The following TRAPPC6B variants were observed in gnomAD, a reference collection of about 807,000 sequenced individuals.
TRAPPC6B encodes the protein trafficking protein particle complex subunit 6B.
TRAPPC6B carries 27 observed loss-of-function variants against 24.7 expected under a neutral mutation model. The observed-to-expected ratio is 1.09, with a 90% CI of 0.81 to 1.51. The LOEUF is 1.51. Among genes scored for constraint, TRAPPC6B ranks in the 40% most tolerant of loss-of-function variants. The probability of loss-of-function intolerance (pLI) is 0.00; values close to 1 mark genes in which losing one functional copy is unlikely to be tolerated. For missense variants in TRAPPC6B, 212 were observed against 190.8 expected (o/e 1.11, Z -0.66); for synonymous variants, 80 against 66.6 (o/e 1.20, Z -0.98).
At chr14:39,166,117 TTAAA>T (rs1213824920) in intron 1 of TRAPPC6B, among the ~76,000 whole-genome samples, 1 of 151,930 alleles carries the variant, frequency 6.6e-6, no homozygotes, top group Non-Finnish European at 1.5e-5. Context: ...TTTTTTTTAT[TTAAA>T]TAGAGACACT....
intron 3 of TRAPPC6B, among the ~76,000 whole-genome samples, chr14:39,155,530 C>T (rs1046998579): frequency 2.0e-5 from 3 of 150,744 alleles, no homozygotes; most frequent in Non-Finnish European, 2.9e-5. Context: ...CGTGAGCCAC[C>T]GCACCCGGAT....
intron 1 of TRAPPC6B, among the ~76,000 whole-genome samples, chr14:39,160,930 T>A (rs996483638): frequency 1.3e-5 from 2 of 152,194 alleles, no homozygotes; most frequent in African/African-American, 4.8e-5. Flanking sequence ...TTATGCAAGG[T>A]GTAATACACA....
intron 2 of TRAPPC6B, 123 bp from the exon 3 acceptor site, chr14:39,158,525 A>T: frequency 1.6e-5 from 9 of 548,290 alleles, no homozygotes; most frequent in Non-Finnish European, 2.5e-5. Context: ...TTTAATTTTA[A>T]TTTTTTTTTT....
intron 1 of TRAPPC6B, among the ~76,000 whole-genome samples, chr14:39,168,164 T>G (rs774379644): frequency 6.8e-6 from 1 of 146,426 alleles, no homozygotes; most frequent in Non-Finnish European, 1.5e-5. Flanking sequence ...TGCAGTGAGC[T>G]GAGATCACAC....
chr14:39,157,854 T>C (rs2053003059), intron 3 of TRAPPC6B: 1 of 191,126 alleles, frequency 5.2e-6, no homozygotes, highest in African/African-American at 2.3e-5. Context: ...CCAAACTGGG[T>C]TAAACATACA....
At chr14:39,169,273 T>A (rs1280396231) in intron 1 of TRAPPC6B, among the ~76,000 whole-genome samples, 32 of 152,340 alleles carry the variant, frequency 2.1e-4, no homozygotes, top group Non-Finnish European at 2.2e-4. Flanking sequence ...AGTATTATTT[T>A]ATTTAATTTA....
At chr14:39,154,395 A>G in intron 3 of TRAPPC6B, 101 bp from the exon 4 acceptor site, 1 of 764,392 alleles carries the variant, frequency 1.3e-6, no homozygotes, top group South Asian at 1.8e-5. Context: ...TAAAGTTATT[A>G]AAAGTCTCCT....
At chr14:39,158,450 G>GC (rs1566548341) in intron 2 of TRAPPC6B, 48 bp from the exon 3 acceptor site, 1 of 1,070,314 alleles carries the variant, frequency 9.3e-7, no homozygotes, top group Non-Finnish European at 1.4e-6. Context: ...TCCAAAAAAA[G>GC]CAAGAGGGAC....
In TRAPPC6B at chr14:39,159,517, T is replaced by G. The variant is rs371091404; in HGVS notation, c.115A>C (p.Met39Leu). Residue 39 changes from methionine to leucine, a missense_variant, in exon 2 of 6, where the codon ATG (methionine) becomes CTG (leucine). By Grantham distance (15) the Met-to-Leu change is conservative (BLOSUM62 2). Transcript: ENST00000330149. ...AATCCTTGTCCCACTCGAAACCCCA[T>G]GTTTTCCAGCTTAGTAATACATCGT... is the stretch of plus-strand genomic sequence containing the variant. Reference protein sequence around the residue: ...NGRCITKLENMGFRVGQGLIE... With the variant: ...NGRCITKLENLGFRVGQGLIE... 1.2e-6 allele frequency: 2 copies of G among 1,605,712 alleles called. No individual in the cohort carries two copies. Among genetic ancestry groups the G allele is most frequent in the African/African-American group, 2.7e-5 (2 of 74,684 alleles).
Position 39,170,045 on chromosome 14 carries a change from T to G in TRAPPC6B, c.51A>C (p.Gly17=), listed in dbSNP as rs2053152160. The G allele has an allele frequency of 6.2e-7, 1 of 1,614,004 alleles. No homozygotes were observed. Among genetic ancestry groups the G allele is most frequent in the African/African-American group, 1.3e-5 (1 of 74,918 alleles). ...FLLLHNEMVS[G]VYKSAEQGEV... is the part of the protein sequence containing the mutation. ...CCCCCTGCTCCGCGGACTTGTACAC[T>G]CCAGACACCATCTCGTTATGGAGAA... Residue 17 remains glycine, a synonymous_variant, in exon 1 of 6, where the codon GGA becomes GGC. Coordinates refer to ENST00000330149, the MANE Select transcript of TRAPPC6B (RefSeq NM_001079537.2).
intron 1 of TRAPPC6B, among the ~76,000 whole-genome samples, chr14:39,159,962 A>AT (rs1566549154): frequency 6.6e-6 from 1 of 152,128 alleles, no homozygotes; most frequent in Non-Finnish European, 1.5e-5. Flanking sequence ...AGCTGGAATT[A>AT]TAAGCACCCA....
At chr14:39,152,473 T>C (rs1447232944) in intron 4 of TRAPPC6B, among the ~76,000 whole-genome samples, 1 of 152,190 alleles carries the variant, frequency 6.6e-6, no homozygotes, top group Non-Finnish European at 1.5e-5. Flanking sequence ...AGAACTGGAT[T>C]GAAAAATTAG....
At chr14:39,165,016 T>G (rs1364400377) in intron 1 of TRAPPC6B, among the ~76,000 whole-genome samples, 1 of 152,070 alleles carries the variant, frequency 6.6e-6, no homozygotes, top group East Asian at 1.9e-4. Flanking sequence ...TCTCCCTGCC[T>G]TTTTATGTGC....
chr14:39,159,376 T>C, intron 2 of TRAPPC6B, 107 bp downstream of exon 2: 1 of 692,512 alleles, frequency 1.4e-6, no homozygotes, highest in Non-Finnish European at 2.3e-6. Flanking sequence ...GAGAATAACA[T>C]TCAGGAATTA....
rs1594530722 is a variant in TRAPPC6B at position 39,148,711 on chromosome 14, A to T, written c.*1639T>A. 3 of 398,464 alleles carry T rather than the reference A, an allele frequency of 7.5e-6. No homozygotes were observed. In the East Asian group the frequency reaches 1.1e-4, roughly 14 times the overall value. The allele number at this position is 398,464 out of a possible 1,614,324, so 24.7% of individuals were successfully genotyped here. A position where few individuals can be genotyped will look rare whatever the true frequency, so the allele number is the denominator to read the frequency against. On this transcript the variant is annotated 3_prime_UTR_variant, in exon 6 of 6. Transcript: ENST00000330149. ...TAGGAACTTTCCTAAATTTTTTCAA[A>T]ATTAAAATTTTTTCCCCAAAACATG...
chr14:39,154,245 G>A lies in TRAPPC6B; in HGVS notation c.317C>T (p.Ser106Phe). The change falls in exon 4 of 6, where the codon TCT becomes TTT. Residue 106 changes from serine to phenylalanine, a missense_variant. Transcript: ENST00000330149. Reference sequence around the variant, plus strand: ...ATGTTCTAAATACTGTTTTCCTGCAGACATCTGAGTAAGCAGGCGAAATTT... The same window carrying A: ...ATGTTCTAAATACTGTTTTCCTGCAAACATCTGAGTAAGCAGGCGAAATTT... The part of the protein sequence containing the change: ...DNKFRLLTQM[S>F]AGKQYLEHAS... 6.2e-7 allele frequency: 1 copy of A among 1,613,070 alleles called. No homozygotes were observed. Among genetic ancestry groups the A allele is most frequent in the Non-Finnish European group, 8.5e-7 (1 of 1,179,450 alleles).
At chr14:39,164,921 G>C (rs1223650018) in intron 1 of TRAPPC6B, among the ~76,000 whole-genome samples, 1 of 152,166 alleles carries the variant, frequency 6.6e-6, no homozygotes, top group Non-Finnish European at 1.5e-5. Context: ...AAGACTCCTG[G>C]CTAGTTAACC....
chr14:39,152,719 T>G (rs2052929575), intron 4 of TRAPPC6B, among the ~76,000 whole-genome samples: 1 of 152,110 alleles, frequency 6.6e-6, no homozygotes, highest in Non-Finnish European at 1.5e-5. Context: ...CATGTATATG[T>G]GCGTATTTAT....
chr14:39,157,152 T>C (rs1594537756), intron 3 of TRAPPC6B: 1 of 238,288 alleles, frequency 4.2e-6, no homozygotes, highest in Non-Finnish European at 8.3e-6. Flanking sequence ...GTGAATCCCC[T>C]GTTTGAGAAA....
Sources: allele counts gnomAD v4.1 joint callset (sites outside exome capture counted in the v4.1 genomes callset), GRCh38; gene constraint gnomAD v4.1.1; transcripts MANE v1.5; gene names NCBI Gene and HGNC (gene_info 2026-07-23, HGNC 2026-07-21).